Variants in CNTNAP2 observed in about 807,000 individuals in gnomAD.
The protein encoded by CNTNAP2 is contactin-associated protein-like 2.
CNTNAP2 carries 98 observed loss-of-function variants against 155.2 expected under a neutral mutation model. That is an observed-to-expected ratio of 0.63 (90% CI 0.54 to 0.75). The LOEUF (loss-of-function observed/expected upper bound fraction) is 0.75, where lower values mean the gene tolerates loss of function less well. Among genes scored for constraint, CNTNAP2 ranks in the 30% least tolerant of loss-of-function variants. The pLI, the probability that CNTNAP2 is intolerant of heterozygous loss-of-function variation, is 0.00. For synonymous variants in CNTNAP2, 651 were observed against 631.2 expected (o/e 1.03, Z -0.47); for missense variants, 1,727 against 1,688.1 (o/e 1.02, Z -0.40).
intron 1 of CNTNAP2, among the ~76,000 whole-genome samples, chr7:146,465,853 G>A (rs1167443896): frequency 2.0e-5 from 3 of 152,090 alleles, no homozygotes; most frequent in Admixed American, 6.6e-5. Flanking sequence ...ATGAAATCTA[G>A]TTATTGAAAT....
chr7:146,163,855 G>A (rs1798271078), intron 1 of CNTNAP2, among the ~76,000 whole-genome samples: 1 of 152,064 alleles, frequency 6.6e-6, no homozygotes, highest in Non-Finnish European at 1.5e-5. Context: ...CCTTTCTTTT[G>A]AAGGTTTATA....
intron 1 of CNTNAP2, among the ~76,000 whole-genome samples, chr7:146,187,392 G>A (rs895895016): frequency 3.1e-4 from 47 of 152,178 alleles, no homozygotes; most frequent in African/African-American, 7.2e-5. Flanking sequence ...CCCACTGAGA[G>A]CCGAAGAAGA....
At chr7:147,460,145 G>A (rs1380782080) in intron 10 of CNTNAP2, among the ~76,000 whole-genome samples, 1 of 151,982 alleles carries the variant, frequency 6.6e-6, no homozygotes, top group Non-Finnish European at 1.5e-5. Flanking sequence ...AAAAAAGAAA[G>A]AAGAGGAAAA....
intron 1 of CNTNAP2, among the ~76,000 whole-genome samples, chr7:146,139,353 A>G (rs977628792): frequency 1.3e-5 from 2 of 152,154 alleles, no homozygotes; most frequent in African/African-American, 2.4e-5. Flanking sequence ...GCAATGACCA[A>G]TCAGGTCTGT....
rs966113767 is a variant in CNTNAP2 at position 147,092,292 on chromosome 7, T to G, written c.551-15855T>G. On this transcript the variant is annotated intron_variant, in intron 4 of 23. Transcript: ENST00000361727. ...ATTTGTGATATATCTGTCCTTATAT[T>G]TTCTGAATTCAAAATAATTTCCTTC... is the stretch of plus-strand genomic sequence containing the variant. Among the ~76,000 whole-genome samples, 3 of 152,250 alleles carry G rather than the reference T, an allele frequency of 2.0e-5. No individual in the cohort carries two copies. The South Asian group carries it at 6.2e-4, about 32-fold the overall frequency.
At chr7:147,688,361 T>A (rs552694125) in intron 13 of CNTNAP2, among the ~76,000 whole-genome samples, 22 of 152,136 alleles carry the variant, frequency 1.4e-4, no homozygotes, top group Non-Finnish European at 2.4e-4. Flanking sequence ...TCTAAAACTC[T>A]GAAATGCGTG....
intron 16 of CNTNAP2, among the ~76,000 whole-genome samples, chr7:148,138,783 G>T (rs1225221092): frequency 1.3e-5 from 2 of 152,120 alleles, no homozygotes; most frequent in South Asian, 2.1e-4. Context: ...AAACAAGAGG[G>T]TATTTAAAAC....
chr7:148,411,926 T>C (rs541843263), intron 23 of CNTNAP2, among the ~76,000 whole-genome samples: 2 of 144,878 alleles, frequency 1.4e-5, no homozygotes, highest in African/African-American at 5.2e-5. Context: ...CCTTAGCCAA[T>C]ATCATGCTTG....
At chr7:147,122,709 TAG>T (rs1165381140) in intron 6 of CNTNAP2, 1 of 152,192 alleles carries the variant, frequency 6.6e-6, no homozygotes, top group Non-Finnish European at 1.5e-5. Context: ...TACCTTAAGC[TAG>T]AGTTTCACAC....
chr7:148,027,530 G>T (rs1245019440), intron 15 of CNTNAP2, among the ~76,000 whole-genome samples: 1 of 152,120 alleles, frequency 6.6e-6, no homozygotes, highest in Non-Finnish European at 1.5e-5. Context: ...GGATTCATCT[G>T]GTCCCTCATT....
chr7:146,237,034 G>T (rs1799485759), intron 1 of CNTNAP2, among the ~76,000 whole-genome samples: 2 of 151,988 alleles, frequency 1.3e-5, no homozygotes, highest in Admixed American at 1.3e-4. Flanking sequence ...TACTAACGTT[G>T]ATATTTAGAG....
intron 2 of CNTNAP2, among the ~76,000 whole-genome samples, chr7:146,805,212 CA>C (rs1306830546): frequency 6.6e-6 from 1 of 152,142 alleles, no homozygotes; most frequent in Non-Finnish European, 1.5e-5. Context: ...ACTGAAATCT[CA>C]AACTGGATCA....
chr7:146,792,088 T>C (rs1201784645), intron 2 of CNTNAP2, among the ~76,000 whole-genome samples: 2 of 152,194 alleles, frequency 1.3e-5, no homozygotes, highest in Non-Finnish European at 2.9e-5. Context: ...ATGAGAATTC[T>C]ACATCTCACT....
intron 1 of CNTNAP2, among the ~76,000 whole-genome samples, chr7:146,633,052 A>C (rs953946912): frequency 6.6e-6 from 1 of 152,132 alleles, no homozygotes; most frequent in South Asian, 2.1e-4. Flanking sequence ...AGAACTGTCT[A>C]CTTTTTTCTT....
intron 4 of CNTNAP2, among the ~76,000 whole-genome samples, chr7:147,076,053 C>T (rs1477716651): frequency 6.6e-6 from 1 of 152,104 alleles, no homozygotes. Context: ...TGGGTTGGTT[C>T]CAAGTCTTTG....
At chr7:147,960,517 T>C (rs1016027238) in intron 14 of CNTNAP2, among the ~76,000 whole-genome samples, 19 of 152,146 alleles carry the variant, frequency 1.2e-4, no homozygotes, top group Non-Finnish European at 2.9e-5. Context: ...ATGAGAATAA[T>C]CCAGGCAGAC....
chr7:147,344,668 G>A (rs1288197829), intron 9 of CNTNAP2, among the ~76,000 whole-genome samples: 3 of 152,168 alleles, frequency 2.0e-5, no homozygotes, highest in African/African-American at 7.2e-5. Context: ...CACTTTATGA[G>A]ACAATTTTGA....
At chr7:148,394,834 G>GC (rs1292159260) in intron 22 of CNTNAP2, among the ~76,000 whole-genome samples, 3 of 148,794 alleles carry the variant, frequency 2.0e-5, no homozygotes, top group African/African-American at 7.8e-5. Flanking sequence ...CAGCCTTGAG[G>GC]CACTGCCTCT....
intron 13 of CNTNAP2, among the ~76,000 whole-genome samples, chr7:147,835,273 G>A (rs1040897377): frequency 2.0e-5 from 3 of 152,342 alleles, no homozygotes; most frequent in African/African-American, 7.2e-5. Context: ...AAGAAAAAGT[G>A]AGCAGAGCCA....
Sources: allele counts gnomAD v4.1 joint callset (sites outside exome capture counted in the v4.1 genomes callset), GRCh38; gene constraint gnomAD v4.1.1; transcripts MANE v1.5; gene names NCBI Gene and HGNC (gene_info 2026-07-23, HGNC 2026-07-21).